SLCO3A1: variants seen among roughly 807,000 people sequenced by gnomAD.
The protein encoded by SLCO3A1 is PGE1 transporter.
In SLCO3A1, 27 loss-of-function variants were observed where a neutral mutation model predicts 63.1. The observed-to-expected ratio is 0.43, with a 90% CI of 0.32 to 0.59. SLCO3A1 has a LOEUF of 0.59. Ranked by LOEUF, SLCO3A1 falls within the 20% of genes least tolerant of loss-of-function variation. The probability of loss-of-function intolerance (pLI) is 0.09; values close to 1 mark genes in which losing one functional copy is unlikely to be tolerated. For missense variants in SLCO3A1, 773 were observed against 945.8 expected, an observed-to-expected ratio of 0.82 and a Z score of 2.40; for synonymous variants, 473 against 409.9, an observed-to-expected ratio of 1.15 and a Z score of -1.86.
chr15:92,120,422 G>A (rs2047849565), intron 4 of SLCO3A1, 43 bp from the exon 5 acceptor site: 1 of 1,599,574 alleles, frequency 6.3e-7, no homozygotes. Flanking sequence ...GGAGCACAGG[G>A]TGTGACCTTG....
chr15:92,157,829 C>T (rs942156383), intron 9 of SLCO3A1, among the ~76,000 whole-genome samples: 3 of 152,146 alleles, frequency 2.0e-5, no homozygotes, highest in African/African-American at 7.2e-5. Context: ...AAATGGCATC[C>T]CATTGATTCT....
At chr15:92,156,224 G>C (rs1241601162) in intron 9 of SLCO3A1, among the ~76,000 whole-genome samples, 1 of 152,214 alleles carries the variant, frequency 6.6e-6, no homozygotes, top group Non-Finnish European at 1.5e-5. Context: ...GGGGCCCCAG[G>C]TGAGAGATGA....
intron 7 of SLCO3A1, among the ~76,000 whole-genome samples, chr15:92,134,113 G>T (rs1251709046): frequency 1.3e-5 from 2 of 152,232 alleles, no homozygotes; most frequent in African/African-American, 4.8e-5. Flanking sequence ...TTTTGGGCAG[G>T]ACATTTGCTG....
chr15:92,147,792 A>C (rs2048248642), intron 8 of SLCO3A1, among the ~76,000 whole-genome samples: 1 of 152,214 alleles, frequency 6.6e-6, no homozygotes, highest in Non-Finnish European at 1.5e-5. Context: ...TGCCTCAAAG[A>C]AAGATGAGCC....
At chr15:92,012,871 A>C (rs898482434) in intron 2 of SLCO3A1, among the ~76,000 whole-genome samples, 1 of 152,266 alleles carries the variant, frequency 6.6e-6, no homozygotes, top group Non-Finnish European at 1.5e-5. Context: ...GTGAATACAA[A>C]GATGAATAAC....
At chr15:92,016,910 C>A (rs898943483) in intron 2 of SLCO3A1, among the ~76,000 whole-genome samples, 2 of 152,132 alleles carry the variant, frequency 1.3e-5, no homozygotes, top group Non-Finnish European at 2.9e-5. Flanking sequence ...AAGACTAGGG[C>A]TTGATCGCAC....
rs1731542904 is a variant in SLCO3A1 at position 92,033,497 on chromosome 15, G to C, written c.647-61384G>C. On this transcript the variant is annotated intron_variant, in intron 2 of 9. Coordinates refer to ENST00000318445, the MANE Select transcript of SLCO3A1 (RefSeq NM_013272.4). The surrounding 1 kb of genome is among the most constrained non-coding windows in gnomAD (Gnocchi z 4.5). ...AAGGGAACTAAATGCCGAGACGGTG[G>C]GCAAAGGAGAACGAGGGAGGAGCAG... Among the ~76,000 whole-genome samples, 1 of 152,202 alleles carries C rather than the reference G, an allele frequency of 6.6e-6. No individual in the cohort carries two copies. Among genetic ancestry groups the C allele is most frequent in the Admixed American group, 6.5e-5 (1 of 15,282 alleles).
chr15:92,151,860 A>T (rs1284693688), intron 9 of SLCO3A1, among the ~76,000 whole-genome samples: 2 of 152,228 alleles, frequency 1.3e-5, no homozygotes, highest in African/African-American at 4.8e-5. Context: ...CACGTATATA[A>T]TCGTGGATAA....
At chr15:92,114,703 T>C (rs1308162408) in intron 4 of SLCO3A1, among the ~76,000 whole-genome samples, 1 of 152,194 alleles carries the variant, frequency 6.6e-6, no homozygotes, top group Non-Finnish European at 1.5e-5. Flanking sequence ...CTCTGTTCTC[T>C]TCTGTCTGTG....
chr15:92,132,689 T>G (rs2048010630), intron 7 of SLCO3A1, among the ~76,000 whole-genome samples: 1 of 145,206 alleles, frequency 6.9e-6, no homozygotes, highest in East Asian at 1.9e-4. Flanking sequence ...CACTGCAGTT[T>G]GTAGGGTACT....
At chr15:91,996,419 A>G (rs2046192527) in intron 2 of SLCO3A1, among the ~76,000 whole-genome samples, 1 of 151,648 alleles carries the variant, frequency 6.6e-6, no homozygotes, top group Non-Finnish European at 1.5e-5. Context: ...TTTTTGCCCA[A>G]ATATACCTGT....
chr15:92,156,243 G>A (rs765076515), intron 9 of SLCO3A1, among the ~76,000 whole-genome samples: 4 of 152,120 alleles, frequency 2.6e-5, no homozygotes, highest in Non-Finnish European at 5.9e-5. Flanking sequence ...GAGAGGGAGT[G>A]AGATACGGCG....
chr15:91,981,715 G>A (rs575710142), intron 2 of SLCO3A1, among the ~76,000 whole-genome samples: 23 of 152,248 alleles, frequency 1.5e-4, no homozygotes, highest in African/African-American at 4.6e-4. Context: ...ATCCCTCCTT[G>A]TCTGGCTCTC....
rs114702971 is a variant in SLCO3A1, at chr15:91,977,869, T to C, written c.646+61411T>C. 3.4e-3 allele frequency among the ~76,000 whole-genome samples: 519 copies of C among 152,288 alleles called. 3 individuals carry two copies. Among genetic ancestry groups the C allele is most frequent in the African/African-American group, 0.012 (506 of 41,556 alleles). Reference sequence around the variant, plus strand: ...TTTAATGGTTGAGATTAAAAACATATTTCCTAAATGATCCTCCCAGGAAAC... The same window carrying C: ...TTTAATGGTTGAGATTAAAAACATACTTCCTAAATGATCCTCCCAGGAAAC... On this transcript the variant is annotated intron_variant, in intron 2 of 9. Coordinates refer to ENST00000318445, the MANE Select transcript of SLCO3A1 (RefSeq NM_013272.4).
intron 3 of SLCO3A1, among the ~76,000 whole-genome samples, chr15:92,103,722 C>T (rs115051955): frequency 9.9e-4 from 150 of 152,046 alleles, no homozygotes; most frequent in African/African-American, 3.5e-3. Context: ...GAGTTCAAAC[C>T]ACTGGCCTAG....
At chr15:91,913,648 G>A (rs766108617) in intron 1 of SLCO3A1, among the ~76,000 whole-genome samples, 1 of 152,186 alleles carries the variant, frequency 6.6e-6, no homozygotes, top group Non-Finnish European at 1.5e-5. Flanking sequence ...ATGCTAATTA[G>A]CACAGGCGTA....
chr15:92,087,516 AT>A (rs34074469), intron 2 of SLCO3A1, among the ~76,000 whole-genome samples: 34,838 of 121,578 alleles, frequency 0.29, 3,771 homozygotes, highest in Non-Finnish European at 0.35. Flanking sequence ...ATTATCTATT[AT>A]TTTTTTTTTT....
chr15:92,061,971 T>C (rs2047092016), intron 2 of SLCO3A1, among the ~76,000 whole-genome samples: 1 of 152,176 alleles, frequency 6.6e-6, no homozygotes, highest in South Asian at 2.1e-4. Flanking sequence ...ACCATCCAGA[T>C]GGCATTGACA....
chr15:92,126,219 A>G lies in SLCO3A1; in HGVS notation c.1333A>G (p.Thr445Ala), dbSNP rs762328127. 8 of 1,613,960 alleles carry G rather than the reference A, an allele frequency of 5.0e-6. No homozygotes were observed. The highest frequency in any genetic ancestry group is 3.4e-6 in the Non-Finnish European group (4 of 1,179,992). The part of the protein sequence containing the change: ...YVSFLFLGCD[T>A]GPVAGVTVPY... ...CTCCTTCCTCTTCCTGGGCTGCGAC[A>G]CTGGCCCTGTGGCTGGGGTTACTGT... is the stretch of plus-strand genomic sequence containing the variant. Residue 445 changes from threonine (T) to alanine (A), a missense_variant, in exon 6 of 10, where the codon ACT becomes GCT. By Grantham distance (58) the Thr-to-Ala change is moderately conservative. This residue lies in a region of SLCO3A1 where 565 missense variants were observed against 749.8 expected (regional missense o/e 0.75). Transcript: ENST00000318445.
Sources: gnomAD v4.1 joint callset for allele counts (sites outside exome capture counted in the v4.1 genomes callset) on GRCh38, gnomAD v4.1.1 for gene constraint, gnomAD v4.1.1 regional missense constraint, Gnocchi (gnomAD v3.1) non-coding constraint, MANE v1.5 for transcripts, NCBI Gene and HGNC (gene_info 2026-07-23, HGNC 2026-07-21) for gene names.